PRKN: variants seen among roughly 807,000 people sequenced by gnomAD.
PRKN encodes E3 ubiquitin-protein ligase parkin.
Under a neutral mutation model 59.5 loss-of-function variants are expected in PRKN, and 56 were observed. The observed-to-expected ratio is 0.94, with a 90% CI of 0.76 to 1.18. The LOEUF is 1.18. PRKN is among the 50% of genes most tolerant of loss of function. The probability of loss-of-function intolerance (pLI) is 0.00; values close to 1 mark genes in which losing one functional copy is unlikely to be tolerated. For missense variants in PRKN, 657 were observed against 596.4 expected, an observed-to-expected ratio of 1.10 and a Z score of -1.06; for synonymous variants, 250 against 222.1, an observed-to-expected ratio of 1.13 and a Z score of -1.12.
intron 3 of PRKN, among the ~76,000 whole-genome samples, chr6:162,241,347 G>A (rs922897006): frequency 6.6e-6 from 1 of 152,042 alleles, no homozygotes; most frequent in Admixed American, 6.6e-5. Context: ...TTTGAGAAAT[G>A]CATCTAGATA....
At chr6:161,591,334 G>C (rs1437416461) in intron 7 of PRKN, among the ~76,000 whole-genome samples, 4 of 152,116 alleles carry the variant, frequency 2.6e-5, no homozygotes, top group Non-Finnish European at 4.4e-5. Context: ...AAGTCACTCA[G>C]TATCACTAGG....
chr6:161,889,785 CTT>C (rs1290859348), intron 6 of PRKN, among the ~76,000 whole-genome samples: 1 of 152,170 alleles, frequency 6.6e-6, no homozygotes, highest in Non-Finnish European at 1.5e-5. Context: ...AAACTTCCCT[CTT>C]GAGAGTTTTG....
intron 5 of PRKN, among the ~76,000 whole-genome samples, chr6:162,018,850 T>C (rs1363673125): frequency 6.6e-6 from 1 of 152,200 alleles, no homozygotes; most frequent in South Asian, 2.1e-4. Flanking sequence ...AAACTCTAAG[T>C]TAAATATAAA....
At chr6:162,393,942 G>A (rs972871110) in intron 2 of PRKN, among the ~76,000 whole-genome samples, 1 of 152,064 alleles carries the variant, frequency 6.6e-6, no homozygotes, top group African/African-American at 2.4e-5. Flanking sequence ...TGATTATATG[G>A]TCATTTTGAT....
chr6:162,448,449 T>C (rs561171886), intron 1 of PRKN, among the ~76,000 whole-genome samples: 1 of 149,544 alleles, frequency 6.7e-6, no homozygotes, highest in East Asian at 2.0e-4. Flanking sequence ...CTGCTCTTGG[T>C]AAAGCAATGA....
rs3220723 is a variant in PRKN, at chr6:161,774,382, GCACACACACACACA to G, written c.871+11376_871+11389del. Among the ~76,000 whole-genome samples, 83 of 131,030 alleles carry G rather than the reference GCACACACACACACA, an allele frequency of 6.3e-4. 1 individual carries two copies. Among genetic ancestry groups the G allele is most frequent in the African/African-American group, 1.2e-3 (40 of 34,002 alleles). 86.0% of individuals were successfully genotyped at this position (131,030 alleles called of 152,430 possible). ...CTCCCCCATCCTTTCTACTCCCTGA[GCACACACACACACA>G]CACACACACACACACACACACACAC... is the stretch of plus-strand genomic sequence containing the variant. On this transcript the variant is annotated intron_variant, in intron 7 of 11. Coordinates refer to ENST00000366898, the MANE Select transcript of PRKN (RefSeq NM_004562.3).
intron 7 of PRKN, among the ~76,000 whole-genome samples, chr6:161,747,189 T>C (rs1443937734): frequency 1.3e-5 from 2 of 152,178 alleles, no homozygotes; most frequent in Non-Finnish European, 2.9e-5. Context: ...CCCTGTCCTA[T>C]AATATAACCT....
At chr6:162,227,270 A>G (rs1185027850) in intron 3 of PRKN, among the ~76,000 whole-genome samples, 1 of 152,136 alleles carries the variant, frequency 6.6e-6, no homozygotes, top group Non-Finnish European at 1.5e-5. Flanking sequence ...ATTCATTTTT[A>G]GCTATGCAAC....
At chr6:161,516,526 G>A (rs9458295) in intron 9 of PRKN, among the ~76,000 whole-genome samples, 11,685 of 118,300 alleles carry the variant, frequency 0.099, 623 homozygotes, top group African/African-American at 0.16. Flanking sequence ...AGAAGAAGAA[G>A]AAGAAAAAGA....
At chr6:161,523,220 A>G (rs563809728) in intron 9 of PRKN, among the ~76,000 whole-genome samples, 32 of 152,304 alleles carry the variant, frequency 2.1e-4, no homozygotes, top group Admixed American at 1.9e-3. Context: ...AGGAATTCTC[A>G]TAACAAATCA....
rs77494885 is a variant in PRKN at position 161,842,727 on chromosome 6, G to A, written c.735-56819C>T. Among the ~76,000 whole-genome samples the A allele has an allele frequency of 0.011, 1,657 of 152,028 alleles. 50 individuals are homozygous for A. In the East Asian group the frequency reaches 0.12, roughly 11 times the overall value. On this transcript the variant is annotated intron_variant, in intron 6 of 11. Transcript: ENST00000366898. ...TTACAGGTGCCTGCCACCATGCCTG[G>A]CTAATTGAGATGGGTTTTCACTATG... is the stretch of plus-strand genomic sequence containing the variant.
intron 7 of PRKN, among the ~76,000 whole-genome samples, chr6:161,774,899 A>T (rs1272451366): frequency 6.6e-6 from 1 of 152,212 alleles, no homozygotes; most frequent in African/African-American, 2.4e-5. Context: ...AGGAAGTTTG[A>T]TTTAATTTCA....
At chr6:162,318,427 G>T (rs1462331618) in intron 2 of PRKN, among the ~76,000 whole-genome samples, 1 of 152,038 alleles carries the variant, frequency 6.6e-6, no homozygotes, top group African/African-American at 2.4e-5. Flanking sequence ...GCTATGAACA[G>T]TGATGTACAG....
intron 9 of PRKN, among the ~76,000 whole-genome samples, chr6:161,494,484 C>T (rs867807009): frequency 6.6e-6 from 1 of 152,188 alleles, no homozygotes; most frequent in Non-Finnish European, 1.5e-5. Context: ...ATTCAAGAAA[C>T]TATTTCTATG....
intron 7 of PRKN, among the ~76,000 whole-genome samples, chr6:161,594,394 G>A (rs1314555571): frequency 6.6e-6 from 1 of 152,178 alleles, no homozygotes; most frequent in Non-Finnish European, 1.5e-5. Context: ...GGCAAGATGG[G>A]AGAAGACATC....
chr6:161,697,455 G>A (rs1391093525), intron 7 of PRKN, among the ~76,000 whole-genome samples: 2 of 152,144 alleles, frequency 1.3e-5, no homozygotes, highest in African/African-American at 4.8e-5. Context: ...CACAGCCCCT[G>A]TACAACCTGG....
At chr6:162,529,949 G>C (rs1161476702) in intron 1 of PRKN, among the ~76,000 whole-genome samples, 5 of 152,044 alleles carry the variant, frequency 3.3e-5, no homozygotes, top group African/African-American at 1.2e-4. Flanking sequence ...TACCAACATG[G>C]AGAAACCCCC....
chr6:162,019,053 G>A (rs991883235), intron 5 of PRKN, among the ~76,000 whole-genome samples: 7 of 152,038 alleles, frequency 4.6e-5, no homozygotes, highest in African/African-American at 7.2e-5. Context: ...ATACTTAGAT[G>A]GTTTACTGAC....
At chr6:161,580,469 T>A (rs1263709724) in intron 7 of PRKN, among the ~76,000 whole-genome samples, 3 of 151,990 alleles carry the variant, frequency 2.0e-5, no homozygotes, top group African/African-American at 7.2e-5. Flanking sequence ...TATAGACAAT[T>A]TTTTTGTTGT....
Sources: gnomAD v4.1 joint callset for allele counts (sites outside exome capture counted in the v4.1 genomes callset) on GRCh38, gnomAD v4.1.1 for gene constraint, MANE v1.5 for transcripts, NCBI Gene and HGNC (gene_info 2026-07-23, HGNC 2026-07-21) for gene names.